Variants in PTCHD4 observed in about 807,000 individuals in gnomAD.
PTCHD4 encodes patched domain containing 4.
A neutral mutation model predicts 58.1 loss-of-function variants in PTCHD4; 33 were observed. That is an observed-to-expected ratio of 0.57 (90% CI 0.43 to 0.76). PTCHD4 has a LOEUF of 0.76. Ranked by LOEUF, PTCHD4 falls within the 30% of genes least tolerant of loss-of-function variation. PTCHD4 has a pLI of 0.00. For synonymous variants in PTCHD4, 478 were observed against 409.6 expected (o/e 1.17, Z -2.02); for missense variants, 1,058 against 1,027.1 (o/e 1.03, Z -0.41).
intron 3 of PTCHD4, among the ~76,000 whole-genome samples, chr6:48,040,779 T>C (rs1302330255): frequency 1.3e-5 from 2 of 151,968 alleles, no homozygotes; most frequent in Non-Finnish European, 2.9e-5. Context: ...AGACAACATA[T>C]CTCATAATGG....
chr6:48,059,289 G>C (rs1166761438), intron 3 of PTCHD4, among the ~76,000 whole-genome samples: 4 of 152,140 alleles, frequency 2.6e-5, no homozygotes, highest in Admixed American at 2.6e-4. Context: ...ATTATGAGCT[G>C]ATTTAATACA....
rs375529758 is a variant in PTCHD4, at chr6:48,067,822, CT to C, written c.417+407del. 5.8e-3 allele frequency among the ~76,000 whole-genome samples: 855 copies of C among 146,328 alleles called. 4 individuals are homozygous for C. The highest frequency in any genetic ancestry group is 0.018 in the African/African-American group (701 of 40,020). On this transcript the variant is annotated intron_variant, in intron 3 of 4. Transcript: ENST00000339488. ...AGAAATAACTTTTGTTTTCATTTTTCTTTTTTTTTTTATTTTTGGTATTTGT... is the reference window on the plus strand; with the variant it reads ...AGAAATAACTTTTGTTTTCATTTTTCTTTTTTTTTTATTTTTGGTATTTGT...
At chr6:47,943,662 T>C (rs1437848049) in intron 4 of PTCHD4, among the ~76,000 whole-genome samples, 1 of 152,088 alleles carries the variant, frequency 6.6e-6, no homozygotes, top group Non-Finnish European at 1.5e-5. Flanking sequence ...ATAGCCAAAC[T>C]CATTTATTTA....
intron 4 of PTCHD4, among the ~76,000 whole-genome samples, chr6:47,914,736 TC>T (rs370106376): frequency 7.5e-6 from 1 of 133,174 alleles, no homozygotes; most frequent in East Asian, 2.1e-4. Context: ...CTATCTATTA[TC>T]TATCTATTAT....
At chr6:47,898,529 T>C (rs1450408008) in intron 4 of PTCHD4, among the ~76,000 whole-genome samples, 1 of 152,190 alleles carries the variant, frequency 6.6e-6, no homozygotes, top group Non-Finnish European at 1.5e-5. Context: ...GACAATCTTA[T>C]GAGTAATGCT....
chr6:47,919,937 C>G (rs770408695), intron 4 of PTCHD4, among the ~76,000 whole-genome samples: 1 of 151,992 alleles, frequency 6.6e-6, no homozygotes, highest in Non-Finnish European at 1.5e-5. Context: ...TGAGGGAGGC[C>G]ACTTTAGGAT....
At position 47,870,099 on chromosome 6, in the gene PTCHD4, A is replaced by G. The variant is rs1763675320; in HGVS notation, c.*8204T>C. Among the ~76,000 whole-genome samples, 1 of 151,688 alleles carries G rather than the reference A, an allele frequency of 6.6e-6. No homozygotes were observed. Among genetic ancestry groups the G allele is most frequent in the Non-Finnish European group, 1.5e-5 (1 of 67,752 alleles). On this transcript the variant is annotated 3_prime_UTR_variant, in exon 5 of 5. Transcript: ENST00000339488. The stretch of plus-strand genomic sequence containing the variant: ...TAATATATAAATTATTTCTATTATT[A>G]TGACTAATGGAACTAGATTTCTTTT...
At chr6:47,957,767 A>ATT (rs544837844) in intron 4 of PTCHD4, among the ~76,000 whole-genome samples, 1 of 147,182 alleles carries the variant, frequency 6.8e-6, no homozygotes, top group African/African-American at 2.5e-5. Flanking sequence ...TGCCCGGCTA[A>ATT]TTTTTTTTTT....
At chr6:47,955,406 AAG>A (rs1275666685) in intron 4 of PTCHD4, among the ~76,000 whole-genome samples, 1 of 152,212 alleles carries the variant, frequency 6.6e-6, no homozygotes, top group African/African-American at 2.4e-5. Flanking sequence ...TGATTTATAA[AAG>A]AGAAATAGTA....
chr6:47,926,495 G>C (rs1765619813), intron 4 of PTCHD4, among the ~76,000 whole-genome samples: 1 of 152,158 alleles, frequency 6.6e-6, no homozygotes, highest in Non-Finnish European at 1.5e-5. Context: ...CTTGACCTGG[G>C]ATTGTGTTAG....
intron 1 of PTCHD4, among the ~76,000 whole-genome samples, chr6:48,102,844 C>T (rs1192079969): frequency 6.6e-6 from 1 of 152,228 alleles, no homozygotes; most frequent in Non-Finnish European, 1.5e-5. Flanking sequence ...GCCCACAGAG[C>T]CTAGCTCATT....
chr6:48,007,238 C>T lies in PTCHD4; in HGVS notation c.898+1396G>A, dbSNP rs12530011. Among the ~76,000 whole-genome samples, 423 of 151,516 alleles carry T rather than the reference C, an allele frequency of 2.8e-3. 1 individual carries two copies. The highest frequency in any genetic ancestry group is 5.1e-3 in the Admixed American group (78 of 15,232). ...CTGGAAGACAGAGCGAGACTCTGTCCCCCCAAAAAAAAGAAAAGAAAAAAG... is the reference window on the plus strand; with the variant it reads ...CTGGAAGACAGAGCGAGACTCTGTCTCCCCAAAAAAAAGAAAAGAAAAAAG... On this transcript the variant is annotated intron_variant, in intron 4 of 4. Transcript: ENST00000339488.
rs549656640 is a variant in PTCHD4 at position 47,993,791 on chromosome 6, G to A, written c.898+14843C>T. 6.6e-5 allele frequency among the ~76,000 whole-genome samples: 10 copies of A among 152,144 alleles called. No homozygotes were observed. In the East Asian group the frequency reaches 1.9e-3, roughly 29 times the overall value. On this transcript the variant is annotated intron_variant, in intron 4 of 4. Transcript: ENST00000339488. ...TTTCATATCTAGTAAGAAATTGAGA[G>A]GCTTAGAAGGATATAGAAATCCCTC...
intron 3 of PTCHD4, among the ~76,000 whole-genome samples, chr6:48,045,882 T>A (rs1004561255): frequency 3.3e-5 from 5 of 151,594 alleles, no homozygotes; most frequent in African/African-American, 1.2e-4. Flanking sequence ...ATATAAGGGA[T>A]CCTCACTGAA....
intron 3 of PTCHD4, among the ~76,000 whole-genome samples, chr6:48,063,299 C>G (rs1490486094): frequency 6.6e-6 from 1 of 152,128 alleles, no homozygotes; most frequent in African/African-American, 2.4e-5. Flanking sequence ...TAAGAATTTG[C>G]CCAAACTAGA....
At chr6:47,932,803 C>T (rs1765869349) in intron 4 of PTCHD4, among the ~76,000 whole-genome samples, 1 of 152,220 alleles carries the variant, frequency 6.6e-6, no homozygotes, top group Admixed American at 6.5e-5. Flanking sequence ...CACTTCCTGG[C>T]TATGTGCCAT....
chr6:48,057,320 G>C (rs1323197792), intron 3 of PTCHD4, among the ~76,000 whole-genome samples: 1 of 151,946 alleles, frequency 6.6e-6, no homozygotes, highest in Admixed American at 6.6e-5. Context: ...ATATCAGACT[G>C]ACTGGAATGG....
At chr6:47,899,544 G>T in intron 4 of PTCHD4, 1 of 971,634 alleles carries the variant, frequency 1.0e-6, no homozygotes, top group Non-Finnish European at 1.2e-6. Context: ...AAATAACTTT[G>T]CATGTTATCC....
At chr6:48,044,057 T>C (rs537116136) in intron 3 of PTCHD4, among the ~76,000 whole-genome samples, 1 of 152,020 alleles carries the variant, frequency 6.6e-6, no homozygotes, top group East Asian at 1.9e-4. Flanking sequence ...AGTGAAATTC[T>C]TATTTTATGA....
Sources: allele counts gnomAD v4.1 joint callset (sites outside exome capture counted in the v4.1 genomes callset), GRCh38; gene constraint gnomAD v4.1.1; transcripts MANE v1.5; gene names NCBI Gene and HGNC (gene_info 2026-07-23, HGNC 2026-07-21).